The following DAAM1 variants were observed in gnomAD, a reference collection of about 807,000 sequenced individuals.
The protein encoded by DAAM1 is dishevelled associated activator of morphogenesis 1, also known as disheveled-associated activator of morphogenesis 1.
A neutral mutation model predicts 130.0 loss-of-function variants in DAAM1; 52 were observed. The observed-to-expected ratio is 0.40, with a 90% CI of 0.32 to 0.50. The LOEUF (loss-of-function observed/expected upper bound fraction) is 0.50. DAAM1 is among the 20% of genes least tolerant of loss of function. DAAM1 has a pLI of 0.61. For missense variants in DAAM1, 1,134 were observed against 1,303.8 expected, an observed-to-expected ratio of 0.87 and a Z score of 2.01; for synonymous variants, 452 against 444.5, an observed-to-expected ratio of 1.02 and a Z score of -0.21.
At chr14:59,365,135 A>C (rs543015199) in intron 23 of DAAM1, among the ~76,000 whole-genome samples, 131 of 152,342 alleles carry the variant, frequency 8.6e-4, no homozygotes, top group Non-Finnish European at 1.6e-3. Flanking sequence ...TTCTAGCAGA[A>C]CATAAAGACC....
chr14:59,368,970 TGTGA>T lies in DAAM1; in HGVS notation c.*116_*119del, dbSNP rs1375968357. On this transcript the variant is annotated 3_prime_UTR_variant, in exon 25 of 25. Coordinates refer to ENST00000360909, the MANE Select transcript of DAAM1 (RefSeq NM_001270520.2). Reference sequence around the variant, plus strand: ...AACAGTGGCAATTTTTTCCTTCATCTGTGAGTGAATGTGTGAACGTGTGTATGTA... The same window carrying T: ...AACAGTGGCAATTTTTTCCTTCATCTGTGAATGTGTGAACGTGTGTATGTA... The T allele has an allele frequency of 4.4e-5, 38 of 858,394 alleles. No individual in the cohort carries two copies. The highest frequency in any genetic ancestry group is 6.4e-5 in the Non-Finnish European group (36 of 559,740). The allele number at this position is 858,394 out of a possible 1,614,324, so 53.2% of individuals were successfully genotyped here.
chr14:59,310,112 CT>C (rs10710665), intron 3 of DAAM1, among the ~76,000 whole-genome samples: 89,883 of 130,260 alleles, frequency 0.69, 30,333 homozygotes, highest in Middle Eastern at 0.8. Flanking sequence ...AAATTTTTTC[CT>C]TTTTTTTTTT....
At position 59,352,640 on chromosome 14, in the gene DAAM1, T is replaced by G; in HGVS notation, c.2267+8T>G. 6.2e-7 allele frequency: 1 copy of G among 1,607,710 alleles called. No homozygotes were observed. The highest frequency in any genetic ancestry group is 8.5e-7 in the Non-Finnish European group (1 of 1,176,584). On this transcript the variant is annotated splice_region_variant and intron_variant, in intron 18 of 24. Coordinates refer to ENST00000360909, the MANE Select transcript of DAAM1 (RefSeq NM_001270520.2). ...CCTTTTTGAGATGAGCCGGTGAGTT[T>G]GAAAATGCTGGGAATGTGAAGATGT...
chr14:59,349,886 G>T (rs1030981872), intron 17 of DAAM1, among the ~76,000 whole-genome samples: 5 of 152,104 alleles, frequency 3.3e-5, no homozygotes, highest in Non-Finnish European at 7.4e-5. Context: ...ATTCTGAACA[G>T]GGGACAAGTG....
intron 3 of DAAM1, among the ~76,000 whole-genome samples, chr14:59,314,413 C>G (rs1180468125): frequency 6.6e-6 from 1 of 152,140 alleles, no homozygotes; most frequent in Non-Finnish European, 1.5e-5. Context: ...AAATCCCTGA[C>G]CACAGTGCCA....
intron 4 of DAAM1, among the ~76,000 whole-genome samples, chr14:59,318,673 C>T (rs1025452536): frequency 5.9e-5 from 9 of 151,982 alleles, no homozygotes; most frequent in Middle Eastern, 3.2e-3. Context: ...TATCTCAGCA[C>T]GATAAATATA....
intron 1 of DAAM1, among the ~76,000 whole-genome samples, chr14:59,200,323 C>G (rs1001906874): frequency 1.3e-5 from 2 of 152,122 alleles, no homozygotes; most frequent in Non-Finnish European, 2.9e-5. Context: ...AAAGGGAAGG[C>G]CAACTCTGTC....
At chr14:59,323,460 GCATC>G (rs1202837111) in intron 6 of DAAM1, among the ~76,000 whole-genome samples, 2 of 152,144 alleles carry the variant, frequency 1.3e-5, no homozygotes, top group African/African-American at 4.8e-5. Flanking sequence ...ATGTGGTCTT[GCATC>G]CTATATGTCA....
Position 59,355,220 on chromosome 14 carries a change from G to T in DAAM1, c.2412G>T (p.Leu804=). 1 of 1,614,140 alleles carries T rather than the reference G, an allele frequency of 6.2e-7. No individual in the cohort carries two copies. The highest frequency in any genetic ancestry group is 8.5e-7 in the Non-Finnish European group (1 of 1,180,004). ...GGAGTGGTGCCCTCAAGCAGTTGCT[G>T]GAGGTGGTTTTGGCATTTGGAAATT... ...VFRSGALKQL[L]EVVLAFGNYM... The change falls in exon 20 of 25, where the codon CTG becomes CTT. Residue 804 remains leucine, a synonymous_variant. Coordinates refer to ENST00000360909, the MANE Select transcript of DAAM1 (RefSeq NM_001270520.2).
intron 1 of DAAM1, among the ~76,000 whole-genome samples, chr14:59,237,070 C>T (rs1304214861): frequency 2.0e-5 from 3 of 152,114 alleles, no homozygotes; most frequent in Non-Finnish European, 4.4e-5. Flanking sequence ...TAGCATTTAG[C>T]CCTTGGGCCG....
intron 16 of DAAM1, among the ~76,000 whole-genome samples, chr14:59,346,782 ACAAT>A (rs1245773054): frequency 6.6e-6 from 1 of 152,222 alleles, no homozygotes; most frequent in Non-Finnish European, 1.5e-5. Flanking sequence ...TGTTGTTCTG[ACAAT>A]CAAGACACAT....
intron 3 of DAAM1, among the ~76,000 whole-genome samples, chr14:59,301,981 A>G (rs1264564910): frequency 6.6e-6 from 1 of 152,238 alleles, no homozygotes; most frequent in African/African-American, 2.4e-5. Context: ...CCCATATCTG[A>G]AACTTTAAAA....
At chr14:59,224,193 A>G (rs1888864748) in intron 1 of DAAM1, among the ~76,000 whole-genome samples, 1 of 152,216 alleles carries the variant, frequency 6.6e-6, no homozygotes, top group East Asian at 1.9e-4. Flanking sequence ...ACCAGGTGAT[A>G]TGCTGATTTG....
chr14:59,312,591 A>T (rs1006880054), intron 3 of DAAM1, among the ~76,000 whole-genome samples: 14 of 152,210 alleles, frequency 9.2e-5, no homozygotes, highest in Non-Finnish European at 2.9e-5. Flanking sequence ...GAAACAATGT[A>T]AAATGTATTC....
intron 1 of DAAM1, among the ~76,000 whole-genome samples, chr14:59,231,807 C>T (rs936342551): frequency 6.1e-4 from 93 of 152,302 alleles, no homozygotes; most frequent in Non-Finnish European, 6.3e-4. Flanking sequence ...CCGAGGAGGT[C>T]TACCAAAGCA....
At chr14:59,278,757 G>A (rs996915922) in intron 2 of DAAM1, among the ~76,000 whole-genome samples, 2 of 152,082 alleles carry the variant, frequency 1.3e-5, no homozygotes, top group Non-Finnish European at 2.9e-5. Context: ...TTCAAAGAAA[G>A]GATAAGAATA....
At chr14:59,224,426 T>C (rs1301981851) in intron 1 of DAAM1, among the ~76,000 whole-genome samples, 1 of 152,216 alleles carries the variant, frequency 6.6e-6, no homozygotes, top group Admixed American at 6.5e-5. Flanking sequence ...AGTATTGCTT[T>C]GGATTTACTG....
intron 1 of DAAM1, among the ~76,000 whole-genome samples, chr14:59,214,853 ATACC>A (rs1888530603): frequency 6.6e-6 from 1 of 152,212 alleles, no homozygotes; most frequent in African/African-American, 2.4e-5. Context: ...TCTTGAGTAA[ATACC>A]TAAGTATGGA....
At chr14:59,326,294 T>C (rs1219947884) in intron 10 of DAAM1, among the ~76,000 whole-genome samples, 2 of 152,156 alleles carry the variant, frequency 1.3e-5, no homozygotes, top group African/African-American at 4.8e-5. Context: ...AAATAAAAAA[T>C]ATGCCTTACA....
Sources: gnomAD v4.1 joint callset for allele counts (sites outside exome capture counted in the v4.1 genomes callset) on GRCh38, gnomAD v4.1.1 for gene constraint, MANE v1.5 for transcripts, NCBI Gene and HGNC (gene_info 2026-07-23, HGNC 2026-07-21) for gene names.